THSD4: variants seen among roughly 807,000 people sequenced by gnomAD.
THSD4 encodes the protein thrombospondin type 1 domain containing 4, also known as thrombospondin type-1 domain-containing protein 4.
In THSD4, 69 loss-of-function variants were observed where a neutral mutation model predicts 119.0. That is an observed-to-expected ratio of 0.58 (90% CI 0.48 to 0.71). The LOEUF (loss-of-function observed/expected upper bound fraction) is 0.71. Among genes scored for constraint, THSD4 ranks in the 30% least tolerant of loss-of-function variants. THSD4 has a pLI of 0.00. For synonymous variants in THSD4, 524 were observed against 540.4 expected (o/e 0.97, Z 0.42); for missense variants, 1,393 against 1,391.1 (o/e 1.00, Z -0.02).
chr15:71,622,272 A>G (rs945437937), intron 7 of THSD4, among the ~76,000 whole-genome samples: 1 of 152,216 alleles, frequency 6.6e-6, no homozygotes, highest in African/African-American at 2.4e-5. Flanking sequence ...AAATCATGCA[A>G]TTTATGAGTT....
chr15:71,746,897 G>T lies in THSD4; in HGVS notation c.2096G>T (p.Arg699Leu). The T allele has an allele frequency of 1.2e-6, 2 of 1,614,000 alleles. No homozygotes were observed. The highest frequency in any genetic ancestry group is 2.2e-5 in the East Asian group (1 of 44,870). The change falls in exon 13 of 18, where the codon CGC becomes CTC. Residue 699 changes from arginine (R) to leucine (L), a missense_variant. Physicochemically the swap from Arg to Leu is moderately radical, Grantham distance 102 (BLOSUM62 -2). Transcript: ENST00000261862. ...SKTCGLGMQH[R>L]QVLCRQVYAN... ...ACCTGTGGCCTGGGCATGCAGCACC[G>T]CCAGGTTCTGTGCCGCCAGGTGTAC...
chr15:71,133,132 T>C (rs2040518894), intron 1 of THSD4, among the ~76,000 whole-genome samples: 1 of 152,206 alleles, frequency 6.6e-6, no homozygotes, highest in Admixed American at 6.5e-5. Context: ...TGGCAGCGGA[T>C]GCTGGGAAGA....
intron 3 of THSD4, among the ~76,000 whole-genome samples, chr15:71,160,343 G>A (rs886581290): frequency 3.3e-5 from 5 of 151,900 alleles, no homozygotes; most frequent in Admixed American, 2.0e-4. Flanking sequence ...AATGAGTTTT[G>A]AAGTGTTTCC....
At chr15:71,759,061 A>T (rs1052524244) in intron 15 of THSD4, among the ~76,000 whole-genome samples, 2 of 152,380 alleles carry the variant, frequency 1.3e-5, no homozygotes, top group Admixed American at 1.3e-4. Flanking sequence ...ATCATAACTC[A>T]GTAAAATATA....
At position 71,485,595 on chromosome 15, in the gene THSD4, A is replaced by G. The variant is rs74532845; in HGVS notation, c.1152+73772A>G. 9.0e-3 allele frequency among the ~76,000 whole-genome samples: 1,371 copies of G among 152,298 alleles called. 25 individuals are homozygous for G. Among genetic ancestry groups the G allele is most frequent in the African/African-American group, 0.031 (1,268 of 41,566 alleles). ...TGCTGGGCAGAAGGAGGCCTAAGGA[A>G]AATGGAAATTGGAGACAGAAGTGCC... On this transcript the variant is annotated intron_variant, in intron 7 of 17. Coordinates refer to ENST00000261862, the MANE Select transcript of THSD4 (RefSeq NM_024817.3).
At chr15:71,598,995 A>T (rs1419851036) in intron 7 of THSD4, among the ~76,000 whole-genome samples, 2 of 152,138 alleles carry the variant, frequency 1.3e-5, no homozygotes, top group African/African-American at 4.8e-5. Context: ...TGCCCACTTT[A>T]TGACAACTTT....
chr15:71,394,266 C>CTTTTTTTTTTTTTTTTTTTTTTTTTTT (rs58372446), intron 6 of THSD4, among the ~76,000 whole-genome samples: 1 of 89,688 alleles, frequency 1.1e-5, no homozygotes, highest in African/African-American at 4.5e-5. Context: ...ACACATTTGT[C>CTTTTTTTTTTTTTTTTTTTTTTTTTTT]TTTTTTTTTT....
In THSD4 at chr15:71,615,598, G is replaced by A. The variant is rs1159195911; in HGVS notation, c.1153-44932G>A. 6.6e-5 allele frequency among the ~76,000 whole-genome samples: 10 copies of A among 152,024 alleles called. No individual in the cohort carries two copies. In the East Asian group the frequency reaches 1.9e-3, roughly 29 times the overall value. On this transcript the variant is annotated intron_variant, in intron 7 of 17. Coordinates refer to ENST00000261862, the MANE Select transcript of THSD4 (RefSeq NM_024817.3). The stretch of plus-strand genomic sequence containing the variant: ...TCATCATCATCCTTTAGAATAAGTA[G>A]GTACAGAGTAGAGGACCAGGCTTCT...
At chr15:71,156,737 C>A (rs972722159) in intron 3 of THSD4, among the ~76,000 whole-genome samples, 1 of 152,148 alleles carries the variant, frequency 6.6e-6, no homozygotes, top group Non-Finnish European at 1.5e-5. Flanking sequence ...CAGGTATAAA[C>A]CTCTATTGTA....
At chr15:71,270,735 A>G (rs2044518574) in intron 6 of THSD4, among the ~76,000 whole-genome samples, 1 of 152,004 alleles carries the variant, frequency 6.6e-6, no homozygotes, top group Non-Finnish European at 1.5e-5. Flanking sequence ...GCTGAACATC[A>G]GAAGAGGTCA....
At chr15:71,774,157 A>G (rs1447210234) in intron 17 of THSD4, among the ~76,000 whole-genome samples, 3 of 152,088 alleles carry the variant, frequency 2.0e-5, no homozygotes, top group African/African-American at 2.4e-5. Context: ...CAAAAAATAT[A>G]AAAATTAGCC....
chr15:71,467,067 G>C (rs12907251), intron 7 of THSD4, among the ~76,000 whole-genome samples: 1 of 152,096 alleles, frequency 6.6e-6, no homozygotes, highest in Non-Finnish European at 1.5e-5. Context: ...ACCATTTCCC[G>C]TGGCTTCCAG....
intron 6 of THSD4, among the ~76,000 whole-genome samples, chr15:71,343,824 T>C (rs371563646): frequency 3.3e-5 from 5 of 151,122 alleles, no homozygotes; most frequent in African/African-American, 1.2e-4. Flanking sequence ...ATGATCGTCC[T>C]ACCTCAGCGT....
At chr15:71,755,439 T>C (rs1386525943) in intron 14 of THSD4, among the ~76,000 whole-genome samples, 1 of 152,196 alleles carries the variant, frequency 6.6e-6, no homozygotes, top group East Asian at 1.9e-4. Context: ...TATTGCTTTA[T>C]TTTCTAAAAT....
At chr15:71,261,648 A>G (rs575608231) in intron 6 of THSD4, among the ~76,000 whole-genome samples, 11 of 152,174 alleles carry the variant, frequency 7.2e-5, no homozygotes, top group Admixed American at 7.2e-4. Flanking sequence ...GGGGACCCAC[A>G]TCGCATGAAG....
At chr15:71,240,753 A>G (rs2044144842) in intron 4 of THSD4, among the ~76,000 whole-genome samples, 1 of 152,028 alleles carries the variant, frequency 6.6e-6, no homozygotes, top group Non-Finnish European at 1.5e-5. Context: ...GCCTGCCACA[A>G]GAAAGAAAAA....
chr15:71,282,569 T>A (rs899093052), intron 6 of THSD4, among the ~76,000 whole-genome samples: 4 of 152,166 alleles, frequency 2.6e-5, no homozygotes, highest in Non-Finnish European at 5.9e-5. Flanking sequence ...TCCTTGACTT[T>A]GACGGTCCAC....
intron 7 of THSD4, among the ~76,000 whole-genome samples, chr15:71,482,099 C>T (rs926979018): frequency 5.3e-5 from 8 of 152,154 alleles, no homozygotes; most frequent in African/African-American, 1.9e-4. Flanking sequence ...CAACTTATAG[C>T]AGCTTAAACC....
chr15:71,316,525 C>T (rs972258816), intron 6 of THSD4, among the ~76,000 whole-genome samples: 1 of 149,322 alleles, frequency 6.7e-6, no homozygotes, highest in Non-Finnish European at 1.5e-5. Flanking sequence ...TGTCACTCTA[C>T]AGAGTTCTAG....
Sources: gnomAD v4.1 joint callset for allele counts (sites outside exome capture counted in the v4.1 genomes callset) on GRCh38, gnomAD v4.1.1 for gene constraint, MANE v1.5 for transcripts, NCBI Gene and HGNC (gene_info 2026-07-23, HGNC 2026-07-21) for gene names.